The following RAD51B variants were observed in gnomAD, a reference collection of about 807,000 sequenced individuals.
RAD51B encodes RAD51 paralog B.
In RAD51B, 38 loss-of-function variants were observed where a neutral mutation model predicts 42.2. That is an observed-to-expected ratio of 0.90 (90% confidence interval 0.70 to 1.18). The LOEUF (loss-of-function observed/expected upper bound fraction) is 1.18. Among genes scored for constraint, RAD51B ranks in the 50% most tolerant of loss-of-function variants. The pLI, the probability that RAD51B is intolerant of heterozygous loss-of-function variation, is 0.00. For missense variants in RAD51B, 373 were observed against 400.7 expected (o/e 0.93, Z 0.59); for synonymous variants, 154 against 145.2 (o/e 1.06, Z -0.43).
rs2041851867 is a variant in RAD51B, at chr14:67,852,364, CG to C, written c.316-12635del. Among the ~76,000 whole-genome samples, 3 of 152,314 alleles carry C rather than the reference CG, an allele frequency of 2.0e-5. No individual in the cohort carries two copies. The South Asian group carries it at 6.2e-4, about 32-fold the overall frequency. On this transcript the variant is annotated intron_variant, in intron 4 of 10. Coordinates refer to ENST00000471583, the MANE Select transcript of RAD51B (RefSeq NM_133510.4). ...CTATAACAGCTGGCACCAGGGAACT[CG>C]GGGATCCAAGGTTGGTGGGGATCCC... is the stretch of plus-strand genomic sequence containing the variant.
At chr14:68,183,625 C>T (rs1463635305) in intron 7 of RAD51B, among the ~76,000 whole-genome samples, 1 of 152,132 alleles carries the variant, frequency 6.6e-6, no homozygotes, top group Admixed American at 6.5e-5. Context: ...GACCTCTAGC[C>T]GCAGTTCCAT....
chr14:68,409,880 T>C (rs1044003771), intron 8 of RAD51B, among the ~76,000 whole-genome samples: 5 of 152,262 alleles, frequency 3.3e-5, no homozygotes, highest in African/African-American at 9.6e-5. Context: ...ATTGTGTGCA[T>C]AATGAACTGA....
At chr14:68,594,376 G>A in intron 10 of RAD51B, 6 of 1,067,748 alleles carry the variant, frequency 5.6e-6, no homozygotes, top group East Asian at 4.8e-5. Context: ...CATACCCCTT[G>A]AACTCTCCAT....
intron 9 of RAD51B, among the ~76,000 whole-genome samples, chr14:68,467,334 C>T (rs1181746261): frequency 2.0e-5 from 3 of 152,196 alleles, no homozygotes; most frequent in East Asian, 3.8e-4. Flanking sequence ...ACTCTTGCTG[C>T]ACGCACTAAT....
chr14:68,452,759 C>G (rs2085589418), intron 9 of RAD51B, among the ~76,000 whole-genome samples: 1 of 152,074 alleles, frequency 6.6e-6, no homozygotes, highest in Non-Finnish European at 1.5e-5. Context: ...TCACTAATTT[C>G]TTTCATCTCT....
At chr14:68,554,599 C>G (rs1016494688) in intron 10 of RAD51B, among the ~76,000 whole-genome samples, 10 of 152,206 alleles carry the variant, frequency 6.6e-5, no homozygotes, top group Admixed American at 2.0e-4. Context: ...ACTCCCTCCA[C>G]CAGCACTTCT....
intron 10 of RAD51B, among the ~76,000 whole-genome samples, chr14:68,557,670 A>T (rs61985815): frequency 6.6e-6 from 1 of 152,132 alleles, no homozygotes; most frequent in South Asian, 2.1e-4. Flanking sequence ...AACATCCCAC[A>T]TGCCTGCCCA....
rs1441270034 is a variant in RAD51B at position 68,005,057 on chromosome 14, T to G, written c.756+117853T>G. 3.0e-5 allele frequency among the ~76,000 whole-genome samples: 4 copies of G among 135,592 alleles called. No individual in the cohort carries two copies. The East Asian group carries it at 6.2e-4, about 21-fold the overall frequency. 89.0% of individuals were successfully genotyped at this position (135,592 alleles called of 152,430 possible). On this transcript the variant is annotated intron_variant, in intron 7 of 10. Transcript: ENST00000471583. ...TGTGTGTGTGTGTGTTTTTTTTTTT[T>G]TTTTTTTTTTTTTTTGAGACAGTGT... is the stretch of plus-strand genomic sequence containing the variant.
rs1405016387 is a variant in RAD51B at position 68,332,558 on chromosome 14, G to A, written c.853+40578G>A. ...GACAGCACCATGGAGCAGCCTCCTG[G>A]CCTACATGTTAAAAGATCTAAATTC... On this transcript the variant is annotated intron_variant, in intron 8 of 10. Transcript: ENST00000471583. 2.0e-5 allele frequency among the ~76,000 whole-genome samples: 3 copies of A among 152,262 alleles called. No individual in the cohort carries two copies. The East Asian group carries it at 5.8e-4, about 29-fold the overall frequency.
chr14:68,363,583 C>T (rs949083717), intron 8 of RAD51B, among the ~76,000 whole-genome samples: 3 of 152,266 alleles, frequency 2.0e-5, no homozygotes, highest in Non-Finnish European at 2.9e-5. Context: ...TCTCCTGCGG[C>T]GGCGCCCACT....
In RAD51B at chr14:67,937,906, C is replaced by CT. The variant is rs558048080; in HGVS notation, c.756+50709dup. Among the ~76,000 whole-genome samples the CT allele has an allele frequency of 5.8e-4, 87 of 150,266 alleles. 1 individual carries two copies. Among genetic ancestry groups the CT allele is most frequent in the Admixed American group, 3.7e-3 (56 of 15,166 alleles). On this transcript the variant is annotated intron_variant, in intron 7 of 10. Coordinates refer to ENST00000471583, the MANE Select transcript of RAD51B (RefSeq NM_133510.4). ...GCACAGGTAAGTAACTTTTTTTTTT[C>CT]TTTTTTTGCATTAGGGGTTTGAAAT...
intron 9 of RAD51B, among the ~76,000 whole-genome samples, chr14:68,434,784 G>A (rs1287485545): frequency 6.6e-6 from 1 of 152,182 alleles, no homozygotes; most frequent in Non-Finnish European, 1.5e-5. Flanking sequence ...CCGGTGAGAT[G>A]AACCCGGTAC....
At chr14:68,354,373 C>T (rs1210302929) in intron 8 of RAD51B, among the ~76,000 whole-genome samples, 4 of 152,006 alleles carry the variant, frequency 2.6e-5, no homozygotes, top group South Asian at 2.1e-4. Context: ...CACACCACCA[C>T]GCCCAGCTAA....
intron 10 of RAD51B, among the ~76,000 whole-genome samples, chr14:68,559,659 G>A (rs574413136): frequency 5.9e-5 from 9 of 152,274 alleles, no homozygotes; most frequent in South Asian, 2.1e-4. Context: ...GGTTACATGC[G>A]TGGGTCACTG....
chr14:68,444,440 T>TTTTG (rs112036154), intron 9 of RAD51B, among the ~76,000 whole-genome samples: 22,238 of 150,242 alleles, frequency 0.15, 2,100 homozygotes, highest in Non-Finnish European at 0.22. Flanking sequence ...GAATTGTGAA[T>TTTTG]TGTGTGTGTG....
At chr14:68,155,008 T>C (rs2078470475) in intron 7 of RAD51B, among the ~76,000 whole-genome samples, 2 of 152,172 alleles carry the variant, frequency 1.3e-5, no homozygotes, top group South Asian at 4.2e-4. Context: ...CCCACTCATA[T>C]TCTTCATAAA....
chr14:68,013,174 C>T (rs1237321282), intron 7 of RAD51B, among the ~76,000 whole-genome samples: 1 of 152,118 alleles, frequency 6.6e-6, no homozygotes, highest in Non-Finnish European at 1.5e-5. Flanking sequence ...GCCCCAGTTC[C>T]TCTCCACATG....
At chr14:68,182,650 A>C (rs558699307) in intron 7 of RAD51B, among the ~76,000 whole-genome samples, 1 of 152,298 alleles carries the variant, frequency 6.6e-6, no homozygotes, top group African/African-American at 2.4e-5. Context: ...GAGATGTTTA[A>C]TTTCCTCACC....
At chr14:68,208,423 C>G (rs1220821116) in intron 7 of RAD51B, among the ~76,000 whole-genome samples, 2 of 152,190 alleles carry the variant, frequency 1.3e-5, no homozygotes, top group East Asian at 1.9e-4. Context: ...AATCTTTGCC[C>G]ACTTTGAAAG....
Sources: gnomAD v4.1 joint callset for allele counts (sites outside exome capture counted in the v4.1 genomes callset) on GRCh38, gnomAD v4.1.1 for gene constraint, MANE v1.5 for transcripts, NCBI Gene and HGNC (gene_info 2026-07-23, HGNC 2026-07-21) for gene names.